SPATA22: variants seen among roughly 807,000 people sequenced by gnomAD.
SPATA22 encodes spermatogenesis associated 22.
A neutral mutation model predicts 47.8 loss-of-function variants in SPATA22; 29 were observed. The ratio of observed to expected loss-of-function variants is 0.61; its 90% CI spans 0.45 to 0.83. The LOEUF is 0.83. SPATA22 is among the 40% of genes least tolerant of loss of function. The pLI is 0.00. For synonymous variants in SPATA22, 133 were observed against 140.9 expected (o/e 0.94, Z 0.40); for missense variants, 410 against 421.7 (o/e 0.97, Z 0.24).
chr17:3,509,532 A>G (rs1387064519), intron 1 of SPATA22, among the ~76,000 whole-genome samples: 2 of 152,324 alleles, frequency 1.3e-5, no homozygotes, highest in Non-Finnish European at 2.9e-5. Flanking sequence ...TCCGTGGTGT[A>G]GATATAACAC....
chr17:3,510,633 T>C (rs1456614874), intron 1 of SPATA22: 2 of 152,240 alleles, frequency 1.3e-5, no homozygotes, highest in Admixed American at 6.5e-5. Context: ...TAAGAACAAG[T>C]AGGTAAATGA....
chr17:3,459,797 T>C (rs1328969169), intron 5 of SPATA22, among the ~76,000 whole-genome samples: 1 of 152,194 alleles, frequency 6.6e-6, no homozygotes, highest in East Asian at 1.9e-4. Context: ...CAAGAGAGTG[T>C]TCCAGAGGCA....
chr17:3,495,396 A>G (rs1356242655), intron 1 of SPATA22, among the ~76,000 whole-genome samples: 1 of 152,220 alleles, frequency 6.6e-6, no homozygotes, highest in Non-Finnish European at 1.5e-5. Flanking sequence ...TGATTGATCC[A>G]GTTCCTATCC....
chr17:3,458,780 G>T (rs1349917364), intron 5 of SPATA22, among the ~76,000 whole-genome samples: 1 of 140,426 alleles, frequency 7.1e-6, no homozygotes, highest in Non-Finnish European at 1.5e-5. Context: ...GGTGGAGGTT[G>T]CAGTGAGCCA....
chr17:3,486,181 G>A (rs988001106), intron 1 of SPATA22, among the ~76,000 whole-genome samples: 12 of 152,074 alleles, frequency 7.9e-5, no homozygotes, highest in African/African-American at 1.4e-4. Context: ...TGATCCACCC[G>A]CCTCGGCCTC....
At chr17:3,473,139 C>A (rs941484848), upstream of SPATA22, among the ~76,000 whole-genome samples, 1 of 147,706 alleles carries the variant, frequency 6.8e-6, no homozygotes, top group African/African-American at 2.5e-5. Flanking sequence ...CACCTTAAGC[C>A]GATTACTTCT....
At chr17:3,470,506 T>C (rs2073403809) in intron 1 of SPATA22, among the ~76,000 whole-genome samples, 1 of 151,674 alleles carries the variant, frequency 6.6e-6, no homozygotes, top group African/African-American at 2.4e-5. Flanking sequence ...TCCCAGCACT[T>C]TGGGAGGCCG....
chr17:3,502,976 C>T (rs1481349544), intron 1 of SPATA22: 2 of 152,198 alleles, frequency 1.3e-5, no homozygotes, highest in East Asian at 1.9e-4. Flanking sequence ...TTCAAGAAGT[C>T]CTGCCATGTC....
intron 5 of SPATA22, among the ~76,000 whole-genome samples, chr17:3,451,923 G>A (rs984710117): frequency 2.7e-5 from 4 of 150,910 alleles, no homozygotes; most frequent in Admixed American, 1.3e-4. Context: ...CTCCAGCCTG[G>A]GCGACAGAGC....
At chr17:3,481,461 T>A (rs1001338969) in intron 1 of SPATA22, 1 of 715,266 alleles carries the variant, frequency 1.4e-6, no homozygotes, top group Non-Finnish European at 2.3e-6. Flanking sequence ...TATATAAACA[T>A]TTCAGGTAAG....
intron 1 of SPATA22, among the ~76,000 whole-genome samples, chr17:3,507,674 G>A (rs2074054150): frequency 1.3e-5 from 2 of 152,240 alleles, no homozygotes; most frequent in African/African-American, 2.4e-5. Context: ...TCCAAGTCTC[G>A]ATTTCCCTAC....
upstream of SPATA22, chr17:3,475,640 A>G (rs924583824): frequency 3.7e-5 from 6 of 163,270 alleles, no homozygotes; most frequent in African/African-American, 1.2e-4. Context: ...GTGAGATTCA[A>G]ATGCCCTCAG....
intron 5 of SPATA22, among the ~76,000 whole-genome samples, chr17:3,461,302 G>C (rs982209331): frequency 6.6e-6 from 1 of 152,140 alleles, no homozygotes; most frequent in African/African-American, 2.4e-5. Context: ...CCTTTAACTG[G>C]TTCAAAAGAT....
intron 5 of SPATA22, among the ~76,000 whole-genome samples, chr17:3,451,310 A>C (rs375750233): frequency 6.6e-6 from 1 of 152,336 alleles, no homozygotes; most frequent in Admixed American, 6.5e-5. Context: ...TAAATATATA[A>C]AGCAAATATT....
At chr17:3,451,172 G>A (rs2072850590) in intron 5 of SPATA22, among the ~76,000 whole-genome samples, 1 of 147,398 alleles carries the variant, frequency 6.8e-6, no homozygotes, top group Non-Finnish European at 1.5e-5. Context: ...GTTTATGTCA[G>A]ACAAAATAGA....
At chr17:3,444,543 T>G (rs537628529) in intron 7 of SPATA22, among the ~76,000 whole-genome samples, 1 of 152,042 alleles carries the variant, frequency 6.6e-6, no homozygotes, top group South Asian at 2.1e-4. Context: ...CAGAAGCTTC[T>G]GGAGAGACTA....
At position 3,485,654 on chromosome 17, in the gene SPATA22, T is replaced by C. The variant is rs769860635; in HGVS notation, c.-73-16256A>G. ...CAAAGTGCTTGTGCTACCAGTGACC[T>C]ACTCCAGGTTGTTTTCTGACCCTCT... On this transcript the variant is annotated intron_variant, in intron 1 of 8. Coordinates refer to the SPATA22 transcript ENST00000541913. The surrounding 1 kb of genome is among the most constrained non-coding windows in gnomAD (Gnocchi z 4.4). Among the ~76,000 whole-genome samples the C allele has an allele frequency of 2.0e-5, 3 of 152,238 alleles. No individual in the cohort carries two copies. The highest frequency in any genetic ancestry group is 2.9e-5 in the Non-Finnish European group (2 of 68,044).
chr17:3,483,656 T>G, intron 1 of SPATA22: 1 of 1,440,302 alleles, frequency 6.9e-7, no homozygotes, highest in Non-Finnish European at 9.8e-7. Flanking sequence ...TCAGAGAAAT[T>G]TATTTTTTAT....
In SPATA22 at chr17:3,485,944, T is replaced by G. The variant is rs561225180; in HGVS notation, c.-73-16546A>C. ...ATTCTAGGAGGGAACCTTTTTTTTTTTTTTTGAGACGGAGTTTCGCTCTTG... is the reference window on the plus strand; with the variant it reads ...ATTCTAGGAGGGAACCTTTTTTTTTGTTTTTGAGACGGAGTTTCGCTCTTG... On this transcript the variant is annotated intron_variant, in intron 1 of 8. Transcript: ENST00000541913. This position sits in a 1 kb window ranked among gnomAD's most constrained non-coding sequence, Gnocchi z 4.4. Among the ~76,000 whole-genome samples, 113 of 151,876 alleles carry G rather than the reference T, an allele frequency of 7.4e-4. 1 individual carries two copies. In the South Asian group the frequency reaches 7.7e-3, roughly 10 times the overall value.
Sources: allele counts gnomAD v4.1 joint callset (sites outside exome capture counted in the v4.1 genomes callset), GRCh38; gene constraint gnomAD v4.1.1; non-coding constraint Gnocchi (gnomAD v3.1); transcripts MANE v1.5; gene names NCBI Gene and HGNC (gene_info 2026-07-23, HGNC 2026-07-21).